Variants in WRNIP1 observed in about 807,000 individuals in gnomAD.
WRNIP1 encodes ATPase WRNIP1.
WRNIP1 carries 41 observed loss-of-function variants against 56.1 expected under a neutral mutation model. That is an observed-to-expected ratio of 0.73 (90% CI 0.57 to 0.95). The LOEUF is 0.95. Ranked by LOEUF, WRNIP1 falls within the 40% of genes least tolerant of loss-of-function variation. The pLI is 0.00. For synonymous variants in WRNIP1, 547 were observed against 398.1 expected (o/e 1.37, Z -4.45); for missense variants, 1,170 against 939.4 (o/e 1.25, Z -3.21).
intron 3 of WRNIP1, among the ~76,000 whole-genome samples, chr6:2,778,771 C>T (rs1215404795): frequency 1.3e-5 from 2 of 152,204 alleles, no homozygotes; most frequent in African/African-American, 2.4e-5. Flanking sequence ...AATTGAACTG[C>T]ATGATCTGGA....
chr6:2,775,583 C>T (rs1336603286), intron 3 of WRNIP1, among the ~76,000 whole-genome samples: 2 of 152,224 alleles, frequency 1.3e-5, no homozygotes, highest in East Asian at 3.8e-4. Context: ...TTACTGCACT[C>T]CTTCTCCAAC....
intron 3 of WRNIP1, among the ~76,000 whole-genome samples, chr6:2,772,740 C>G (rs1765334298): frequency 6.6e-6 from 1 of 152,200 alleles, no homozygotes. Context: ...TTTCCGAATA[C>G]AAGTACCTGC....
Position 2,766,317 on chromosome 6 carries a change from G to T in WRNIP1, c.695G>T (p.Arg232Leu). Residue 232 changes from arginine (R) to leucine (L), a missense_variant, in exon 1 of 7, where the codon CGT (arginine) becomes CTT (leucine). Physicochemically the swap from Arg to Leu is moderately radical, Grantham distance 102. Coordinates refer to ENST00000380773, the MANE Select transcript of WRNIP1 (RefSeq NM_020135.3). ...LQGKPLADTM[R>L]PDTLQDYFGQ... ...GGCAAGCCGCTGGCCGACACGATGC[G>T]TCCTGACACGCTGCAGGATTACTTC... 1 of 1,610,472 alleles carries T rather than the reference G, an allele frequency of 6.2e-7. No homozygotes were observed. The highest frequency in any genetic ancestry group is 2.2e-5 in the East Asian group (1 of 44,714).
At chr6:2,770,062 G>A in intron 2 of WRNIP1, 58 bp from the exon 3 acceptor site, 2 of 1,607,086 alleles carry the variant, frequency 1.2e-6, no homozygotes. Context: ...ACTTACATAG[G>A]ATTCTGCAGG....
rs746004090 is a variant in WRNIP1 at position 2,784,999 on chromosome 6, A to G, written c.1723-8A>G. 1 of 1,613,636 alleles carries G rather than the reference A, an allele frequency of 6.2e-7. No individual in the cohort carries two copies. ...GCTAGTAAAATGTGTCCTCTGTGTC[A>G]TTGGTAGGTGCTTCTGGCCCAGTGT... On this transcript the variant is annotated splice_polypyrimidine_tract_variant and splice_region_variant and intron_variant, in intron 6 of 6. Coordinates refer to ENST00000380773, the MANE Select transcript of WRNIP1 (RefSeq NM_020135.3).
At chr6:2,771,195 TC>T (rs1204573815) in intron 3 of WRNIP1, among the ~76,000 whole-genome samples, 1 of 152,226 alleles carries the variant, frequency 6.6e-6, no homozygotes, top group Non-Finnish European at 1.5e-5. Context: ...GAGGCCAAGT[TC>T]TGGAGCCACT....
chr6:2,783,797 A>G (rs769142524), intron 5 of WRNIP1, among the ~76,000 whole-genome samples: 2 of 151,994 alleles, frequency 1.3e-5, no homozygotes, highest in Non-Finnish European at 2.9e-5. Context: ...TAAAGTCACC[A>G]TTTTCTGTTT....
chr6:2,767,707 TTGG>T (rs1765086755), intron 1 of WRNIP1, among the ~76,000 whole-genome samples: 2 of 152,214 alleles, frequency 1.3e-5, no homozygotes, highest in African/African-American at 4.8e-5. Flanking sequence ...TAATCAGCTG[TTGG>T]TGGCCCCAGA....
At chr6:2,780,739 C>G (rs1192453842) in intron 4 of WRNIP1, among the ~76,000 whole-genome samples, 1 of 152,068 alleles carries the variant, frequency 6.6e-6, no homozygotes, top group East Asian at 1.9e-4. Flanking sequence ...CTCACCATGC[C>G]GGGATCGCCA....
chr6:2,778,525 AGGTTAGGTG>A (rs1330574014), intron 3 of WRNIP1, among the ~76,000 whole-genome samples: 1 of 152,132 alleles, frequency 6.6e-6, no homozygotes, highest in Non-Finnish European at 1.5e-5. Flanking sequence ...GTTCAGAGAG[AGGTTAGGTG>A]GCTTACCCAG....
intron 4 of WRNIP1, 147 bp from the exon 5 acceptor site, chr6:2,783,259 A>T: frequency 1.3e-6 from 1 of 776,890 alleles, no homozygotes; most frequent in Non-Finnish European, 1.9e-6. Flanking sequence ...CACTCAGAGC[A>T]CGGTTAAGGC....
chr6:2,766,545 G>A (rs3757093), intron 1 of WRNIP1, 101 bp downstream of exon 1: 406,036 of 1,410,190 alleles, frequency 0.29, 60,586 homozygotes, highest in East Asian at 0.38. Flanking sequence ...GAAGCCGCCT[G>A]CCTCTCCTGG....
intron 1 of WRNIP1, among the ~76,000 whole-genome samples, chr6:2,766,748 C>T (rs1432166861): frequency 6.6e-6 from 1 of 152,176 alleles, no homozygotes; most frequent in African/African-American, 2.4e-5. Context: ...TATCTTCCAT[C>T]GGTCTCCCCG....
chr6:2,784,252 G>A, intron 5 of WRNIP1, 72 bp from the exon 6 acceptor site: 1 of 1,448,108 alleles, frequency 6.9e-7, no homozygotes, highest in East Asian at 2.4e-5. Flanking sequence ...GTGGTCTGTG[G>A]TCGCCTGCAC....
chr6:2,773,866 C>T (rs1765370710), intron 3 of WRNIP1: 2 of 985,224 alleles, frequency 2.0e-6, no homozygotes, highest in African/African-American at 1.7e-5. Context: ...CCTAGCTAGG[C>T]TGAGTTCCGA....
chr6:2,767,957 T>A (rs533838053), intron 1 of WRNIP1, among the ~76,000 whole-genome samples: 1 of 152,336 alleles, frequency 6.6e-6, no homozygotes, highest in African/African-American at 2.4e-5. Context: ...ACCTTTCCAT[T>A]TAGGTGCAGA....
Position 2,785,025 on chromosome 6 carries a change from GT to G in WRNIP1, c.1742del (p.Val581GlyfsTer24). On this transcript the variant is annotated frameshift_variant, in exon 7 of 7. Coordinates refer to ENST00000380773, the MANE Select transcript of WRNIP1 (RefSeq NM_020135.3). LOFTEE classifies it high-confidence loss of function. ...PECEVLLAQC[V>X]VYFARAPKSI... ...TTGGTAGGTGCTTCTGGCCCAGTGT[GT>G]GGTCTACTTTGCCAGAGCCCCAAAG... 2 of 1,614,078 alleles carry G rather than the reference GT, an allele frequency of 1.2e-6. No homozygotes were observed. The highest frequency in any genetic ancestry group is 1.7e-6 in the Non-Finnish European group (2 of 1,180,012).
chr6:2,768,015 G>A (rs1303109936), intron 1 of WRNIP1, among the ~76,000 whole-genome samples: 3 of 152,090 alleles, frequency 2.0e-5, no homozygotes, highest in Non-Finnish European at 4.4e-5. Flanking sequence ...TCATCCTTTA[G>A]TACTAATAAC....
chr6:2,773,035 CGTGAGAGGAG>C, intron 3 of WRNIP1: 8 of 985,346 alleles, frequency 8.1e-6, no homozygotes, highest in Non-Finnish European at 8.4e-6. Context: ...TTGAACTGCA[CGTGAGAGGAG>C]GTGAGCAGGG....
Sources: allele counts gnomAD v4.1 joint callset (sites outside exome capture counted in the v4.1 genomes callset), GRCh38; gene constraint gnomAD v4.1.1; transcripts MANE v1.5; gene names NCBI Gene and HGNC (gene_info 2026-07-23, HGNC 2026-07-21).